Variants in RNF111 observed in about 807,000 individuals in gnomAD.
RNF111 encodes ring finger protein 111, also known as E3 ubiquitin-protein ligase Arkadia.
A neutral mutation model predicts 95.1 loss-of-function variants in RNF111; 17 were observed. The observed-to-expected ratio is 0.18, with a 90% CI of 0.12 to 0.27. The LOEUF is 0.27. Among genes scored for constraint, RNF111 ranks in the 10% least tolerant of loss-of-function variants. RNF111 has a pLI of 1.00. For synonymous variants in RNF111, 440 were observed against 414.8 expected (o/e 1.06, Z -0.74); for missense variants, 1,189 against 1,210.4 (o/e 0.98, Z 0.26).
chr15:59,017,090 A>T (rs186542725), intron 1 of RNF111, among the ~76,000 whole-genome samples: 1 of 152,174 alleles, frequency 6.6e-6, no homozygotes, highest in East Asian at 1.9e-4. Context: ...CAATGCAATG[A>T]TAATAGAAAC....
chr15:59,021,713 A>G (rs2040353601), intron 1 of RNF111, among the ~76,000 whole-genome samples: 1 of 152,186 alleles, frequency 6.6e-6, no homozygotes, highest in African/African-American at 2.4e-5. Context: ...TCAAGACTGT[A>G]ACTCAGTGAT....
intron 1 of RNF111, among the ~76,000 whole-genome samples, chr15:59,011,373 C>T (rs1325309251): frequency 6.6e-6 from 1 of 152,156 alleles, no homozygotes; most frequent in African/African-American, 2.4e-5. Context: ...TGGTCTGTGT[C>T]TTTATTCATT....
intron 8 of RNF111, 104 bp downstream of exon 8, chr15:59,081,388 T>C (rs1339040955): frequency 2.1e-6 from 2 of 949,598 alleles, no homozygotes; most frequent in African/African-American, 1.6e-5. Context: ...CATGCACTTG[T>C]AGTCACAGCT....
At chr15:58,995,262 C>T (rs780405646) in intron 1 of RNF111, among the ~76,000 whole-genome samples, 2 of 152,150 alleles carry the variant, frequency 1.3e-5, no homozygotes, top group African/African-American at 4.8e-5. Flanking sequence ...TTTTGTAACT[C>T]ATCCATTTTC....
At chr15:59,072,364 T>G (rs372340800) in intron 6 of RNF111, among the ~76,000 whole-genome samples, 21 of 152,252 alleles carry the variant, frequency 1.4e-4, no homozygotes, top group African/African-American at 4.8e-4. Flanking sequence ...CCTTTCAAAC[T>G]TTGCAGCTGC....
At chr15:59,088,891 AC>A (rs1596312563) in intron 10 of RNF111, among the ~76,000 whole-genome samples, 2 of 152,310 alleles carry the variant, frequency 1.3e-5, no homozygotes, top group East Asian at 3.9e-4. Flanking sequence ...GCTTAGGAAC[AC>A]TAGACAGCAC....
rs1308971171 is a variant in RNF111 at position 59,094,953 on chromosome 15, T to C, written c.*53T>C. 3.8e-6 allele frequency: 4 copies of C among 1,051,650 alleles called. No individual in the cohort carries two copies. Among genetic ancestry groups the C allele is most frequent in the Non-Finnish European group, 6.0e-6 (4 of 669,678 alleles). 65.1% of individuals were successfully genotyped at this position (1,051,650 alleles called of 1,614,324 possible). A position where few individuals can be genotyped will look rare whatever the true frequency, so the allele number is the denominator to read the frequency against. On this transcript the variant is annotated 3_prime_UTR_variant, in exon 14 of 14. Coordinates refer to ENST00000348370, the MANE Select transcript of RNF111 (RefSeq NM_017610.8). ...CTCTCATTCCCATCCTTCCTGGTAC[T>C]GCAGTCAACCAAAGATGGCATGACT...
chr15:58,997,069 T>G (rs142558829), intron 1 of RNF111, among the ~76,000 whole-genome samples: 10 of 152,314 alleles, frequency 6.6e-5, no homozygotes, highest in Non-Finnish European at 1.3e-4. Context: ...TCATGTCAGT[T>G]TAAGTGTCTT....
chr15:58,988,499 G>T (rs2038667918), intron 1 of RNF111: 1 of 152,396 alleles, frequency 6.6e-6, no homozygotes, highest in Non-Finnish European at 1.5e-5. Flanking sequence ...CGTAGTCCGC[G>T]GAACAGCTGA....
intron 1 of RNF111, among the ~76,000 whole-genome samples, chr15:59,026,005 C>T (rs1377698704): frequency 6.6e-6 from 1 of 151,568 alleles, no homozygotes; most frequent in Non-Finnish European, 1.5e-5. Flanking sequence ...GCTGGGATTA[C>T]AGGCGTGAGC....
At position 59,063,755 on chromosome 15, in the gene RNF111, A is replaced by T. The variant is rs116680294; in HGVS notation, c.1367-3009A>T. Among the ~76,000 whole-genome samples, 544 of 152,332 alleles carry T rather than the reference A, an allele frequency of 3.6e-3. 4 individuals are homozygous for T. The highest frequency in any genetic ancestry group is 0.013 in the African/African-American group (523 of 41,566). ...AGCTGTTTCTGAACAGATACATGTC[A>T]TATCCATCACTTTAGTGATGGTTAC... On this transcript the variant is annotated intron_variant, in intron 5 of 13. Coordinates refer to ENST00000348370, the MANE Select transcript of RNF111 (RefSeq NM_017610.8).
Position 59,017,915 on chromosome 15 carries a change from G to A in RNF111, c.-19-12889G>A, listed in dbSNP as rs1416556954. 2.0e-5 allele frequency among the ~76,000 whole-genome samples: 3 copies of A among 151,880 alleles called. No individual in the cohort carries two copies. The East Asian group carries it at 5.8e-4, about 29-fold the overall frequency. On this transcript the variant is annotated intron_variant, in intron 1 of 13. Transcript: ENST00000348370. ...TGGGATTACAGGCGCCTGCCATCAT[G>A]CCCAGCTAATTTTTTGTATTTTTGG...
chr15:59,001,366 C>T (rs2039316658), intron 1 of RNF111, among the ~76,000 whole-genome samples: 1 of 152,130 alleles, frequency 6.6e-6, no homozygotes, highest in Admixed American at 6.5e-5. Flanking sequence ...TCCTGTCAAT[C>T]AGGTAACAGG....
At chr15:59,024,837 C>A (rs1049744970) in intron 1 of RNF111, among the ~76,000 whole-genome samples, 1 of 152,116 alleles carries the variant, frequency 6.6e-6, no homozygotes, top group South Asian at 2.1e-4. Flanking sequence ...CTATTCTCCC[C>A]CTCCCTCAGG....
intron 5 of RNF111, among the ~76,000 whole-genome samples, chr15:59,064,324 A>G (rs2042562739): frequency 6.6e-6 from 1 of 152,106 alleles, no homozygotes; most frequent in African/African-American, 2.4e-5. Context: ...TCACGAGGTC[A>G]GGAGATCGAG....
intron 1 of RNF111, among the ~76,000 whole-genome samples, chr15:59,013,262 C>G (rs1432839968): frequency 1.3e-5 from 2 of 152,196 alleles, no homozygotes; most frequent in African/African-American, 4.8e-5. Context: ...ATATCGCTCA[C>G]TCAGTTACCC....
At chr15:59,050,274 C>T (rs557279029) in intron 2 of RNF111, 2 of 152,190 alleles carry the variant, frequency 1.3e-5, no homozygotes, top group Admixed American at 6.5e-5. Context: ...TCTACAACAT[C>T]GCTTTTTCTT....
At chr15:59,074,121 T>G (rs150782136) in intron 6 of RNF111, among the ~76,000 whole-genome samples, 1 of 152,306 alleles carries the variant, frequency 6.6e-6, no homozygotes, top group African/African-American at 2.4e-5. Context: ...ACCACGTAAA[T>G]AGCTGTACTG....
intron 3 of RNF111, among the ~76,000 whole-genome samples, chr15:59,054,111 G>A (rs1239240017): frequency 1.3e-5 from 2 of 151,722 alleles, no homozygotes; most frequent in Non-Finnish European, 2.9e-5. Context: ...AATTTTTTTT[G>A]TATTTTTAGT....
Sources: gnomAD v4.1 joint callset for allele counts (sites outside exome capture counted in the v4.1 genomes callset) on GRCh38, gnomAD v4.1.1 for gene constraint, MANE v1.5 for transcripts, NCBI Gene and HGNC (gene_info 2026-07-23, HGNC 2026-07-21) for gene names.